Variants in KIAA1217 observed in about 807,000 individuals in gnomAD.
The protein encoded by KIAA1217 is sickle tail protein homolog.
KIAA1217 carries 88 observed loss-of-function variants against 163.9 expected under a neutral mutation model. The observed-to-expected ratio is 0.54, with a 90% CI of 0.45 to 0.64. The LOEUF (loss-of-function observed/expected upper bound fraction) is 0.64. Ranked by LOEUF, KIAA1217 falls within the 30% of genes least tolerant of loss-of-function variation. The probability of loss-of-function intolerance (pLI) is 0.00; values close to 1 mark genes in which losing one functional copy is unlikely to be tolerated. For synonymous variants in KIAA1217, 903 were observed against 923.1 expected, an observed-to-expected ratio of 0.98 and a Z score of 0.39; for missense variants, 2,372 against 2,475.0, an observed-to-expected ratio of 0.96 and a Z score of 0.88.
intron 9 of KIAA1217, among the ~76,000 whole-genome samples, chr10:24,506,248 T>G (rs2068340989): frequency 6.6e-6 from 1 of 152,226 alleles, no homozygotes; most frequent in African/African-American, 2.4e-5. Context: ...CCTGAATCTT[T>G]CTGATTTGTG....
intron 10 of KIAA1217, among the ~76,000 whole-genome samples, chr10:24,515,003 G>GTAAAAA (rs1001729684): frequency 2.0e-5 from 3 of 150,932 alleles, no homozygotes; most frequent in Non-Finnish European, 3.0e-5. Flanking sequence ...AAAAATAATA[G>GTAAAAA]TAAAAATAAA....
At chr10:23,785,529 A>G (rs1374812389) in intron 1 of KIAA1217, among the ~76,000 whole-genome samples, 2 of 152,148 alleles carry the variant, frequency 1.3e-5, no homozygotes, top group South Asian at 2.1e-4. Flanking sequence ...TTGAATTTCA[A>G]TTAAAACCTT....
At chr10:23,737,264 T>C (rs148145001) in intron 1 of KIAA1217, among the ~76,000 whole-genome samples, 152 of 152,298 alleles carry the variant, frequency 1.0e-3, no homozygotes, top group Admixed American at 1.9e-3. Flanking sequence ...CAGTGCATGA[T>C]CTCAGCTCAC....
intron 2 of KIAA1217, among the ~76,000 whole-genome samples, chr10:24,254,850 A>T (rs932665569): frequency 2.7e-5 from 4 of 150,782 alleles, no homozygotes; most frequent in African/African-American, 9.8e-5. Context: ...ACTCTGTTCA[A>T]CTCTAATTTT....
intron 3 of KIAA1217, among the ~76,000 whole-genome samples, chr10:24,388,621 C>A (rs1376123166): frequency 2.6e-5 from 4 of 152,058 alleles, no homozygotes; most frequent in African/African-American, 9.7e-5. Context: ...AGTGAACAGG[C>A]AACCTACAGA....
chr10:24,082,714 AT>A (rs1392067009), intron 2 of KIAA1217, among the ~76,000 whole-genome samples: 1 of 152,230 alleles, frequency 6.6e-6, no homozygotes, highest in Non-Finnish European at 1.5e-5. Flanking sequence ...ATATGTGTGC[AT>A]GTATCTTTAT....
intron 9 of KIAA1217, among the ~76,000 whole-genome samples, chr10:24,502,375 T>A (rs906434833): frequency 6.6e-6 from 1 of 152,012 alleles, no homozygotes; most frequent in Non-Finnish European, 1.5e-5. Flanking sequence ...CATCTGCATT[T>A]CATTCAGATA....
intron 2 of KIAA1217, among the ~76,000 whole-genome samples, chr10:24,067,449 A>G (rs890711720): frequency 1.3e-5 from 2 of 152,222 alleles, no homozygotes; most frequent in African/African-American, 4.8e-5. Context: ...CGGTGGCTGC[A>G]GAACAGCGGA....
intron 1 of KIAA1217, among the ~76,000 whole-genome samples, chr10:23,822,086 C>A (rs1837648045): frequency 6.6e-6 from 1 of 152,202 alleles, no homozygotes; most frequent in African/African-American, 2.4e-5. Context: ...CACCACTCAT[C>A]TCCTTACTCA....
intron 2 of KIAA1217, among the ~76,000 whole-genome samples, chr10:24,191,506 T>C (rs900252028): frequency 1.3e-5 from 2 of 152,100 alleles, no homozygotes; most frequent in African/African-American, 4.8e-5. Flanking sequence ...CATTATGTGA[T>C]TATTTCACAC....
chr10:23,940,216 T>G (rs1319386808), intron 1 of KIAA1217, among the ~76,000 whole-genome samples: 1 of 151,440 alleles, frequency 6.6e-6, no homozygotes, highest in Non-Finnish European at 1.5e-5. Context: ...TCCCAGCACT[T>G]TGGGAGGCCA....
chr10:24,013,680 A>C (rs758090416), intron 2 of KIAA1217, among the ~76,000 whole-genome samples: 3 of 152,198 alleles, frequency 2.0e-5, no homozygotes, highest in Non-Finnish European at 2.9e-5. Context: ...ATTCAGGATC[A>C]GGTTTCAGGT....
Position 24,064,847 on chromosome 10 carries a change from A to G in KIAA1217, c.-171+57473A>G, listed in dbSNP as rs376045902. On this transcript the variant is annotated intron_variant, in intron 2 of 18. Coordinates refer to the KIAA1217 transcript ENST00000376462. ...TGTTATTGGTCTATTCAGAGATTCA[A>G]CTTCTTCCTGATTTAGTCTTGGGAG... 2.0e-5 allele frequency among the ~76,000 whole-genome samples: 3 copies of G among 152,204 alleles called. No homozygotes were observed. The East Asian group carries it at 5.8e-4, about 29-fold the overall frequency.
intron 2 of KIAA1217, among the ~76,000 whole-genome samples, chr10:24,200,739 C>G (rs2067217910): frequency 6.6e-6 from 1 of 152,134 alleles, no homozygotes; most frequent in Non-Finnish European, 1.5e-5. Flanking sequence ...CGGGGAGCAT[C>G]TGAGCTCTTC....
chr10:24,076,021 C>G (rs1195022257), intron 2 of KIAA1217, among the ~76,000 whole-genome samples: 1 of 152,086 alleles, frequency 6.6e-6, no homozygotes, highest in Non-Finnish European at 1.5e-5. Flanking sequence ...TCTGTGATTC[C>G]AGGCATCTGG....
chr10:24,345,731 T>C (rs1381902320), intron 2 of KIAA1217, among the ~76,000 whole-genome samples: 1 of 152,210 alleles, frequency 6.6e-6, no homozygotes, highest in East Asian at 1.9e-4. Context: ...GTGATTTTTT[T>C]TGGGTGGGGG....
intron 2 of KIAA1217, among the ~76,000 whole-genome samples, chr10:24,231,805 T>TC (rs1483385184): frequency 2.0e-5 from 3 of 151,844 alleles, no homozygotes; most frequent in African/African-American, 7.2e-5. Flanking sequence ...TCTTGGGTTT[T>TC]TTTTTTTTTT....
At chr10:24,532,070 C>T (rs1345243990) in intron 15 of KIAA1217, 77 bp downstream of exon 15, 3 of 1,303,436 alleles carry the variant, frequency 2.3e-6, no homozygotes, top group Non-Finnish European at 3.0e-6. Flanking sequence ...TCTGTTGGAA[C>T]ATAAAAAGTA....
chr10:23,774,807 C>A (rs1009684948), intron 1 of KIAA1217, among the ~76,000 whole-genome samples: 9 of 152,200 alleles, frequency 5.9e-5, no homozygotes, highest in African/African-American at 2.2e-4. Flanking sequence ...CTAAAGTCAT[C>A]CCTGATCTCT....
Sources: allele counts gnomAD v4.1 joint callset (sites outside exome capture counted in the v4.1 genomes callset), GRCh38; gene constraint gnomAD v4.1.1; transcripts MANE v1.5; gene names NCBI Gene and HGNC (gene_info 2026-07-23, HGNC 2026-07-21).